The following GSE1 variants were observed in gnomAD, a reference collection of about 807,000 sequenced individuals.
The protein encoded by GSE1 is genetic suppressor element 1.
In GSE1, 32 loss-of-function variants were observed where a neutral mutation model predicts 112.6. The ratio of observed to expected loss-of-function variants is 0.28; its 90% confidence interval spans 0.21 to 0.38. GSE1 has a LOEUF of 0.38. GSE1 is among the 10% of genes least tolerant of loss of function. GSE1 has a pLI of 1.00. For synonymous variants in GSE1, 1,115 were observed against 735.6 expected (o/e 1.52, Z -8.35); for missense variants, 2,348 against 1,699.2 (o/e 1.38, Z -6.71).
intron 2 of GSE1, among the ~76,000 whole-genome samples, chr16:85,434,503 G>T (rs1253219182): frequency 6.6e-6 from 1 of 152,074 alleles, no homozygotes; most frequent in African/African-American, 2.4e-5. Context: ...TGAGCTGTTT[G>T]CCCAAGGCTC....
chr16:85,396,331 AT>A (rs1401074163), intron 2 of GSE1, among the ~76,000 whole-genome samples: 1 of 152,196 alleles, frequency 6.6e-6, no homozygotes, highest in African/African-American at 2.4e-5. Context: ...GAGACAGGAA[AT>A]ATTAGGCCGT....
chr16:85,286,267 G>A (rs1050878361), intron 1 of GSE1, among the ~76,000 whole-genome samples: 1 of 152,214 alleles, frequency 6.6e-6, no homozygotes, highest in African/African-American at 2.4e-5. Context: ...TCGGCCCACG[G>A]GCTGGCAGAG....
intron 2 of GSE1, among the ~76,000 whole-genome samples, chr16:85,399,185 C>T (rs150568148): frequency 5.9e-5 from 9 of 152,162 alleles, no homozygotes; most frequent in African/African-American, 1.2e-4. Flanking sequence ...TAGATGTGCA[C>T]GTGTGATGTG....
At chr16:85,400,644 GTGTCTC>G (rs1180844012) in intron 2 of GSE1, among the ~76,000 whole-genome samples, 2 of 151,778 alleles carry the variant, frequency 1.3e-5, no homozygotes, top group African/African-American at 2.4e-5. Context: ...TGTGTTGTGT[GTGTCTC>G]TGTGTCTGTG....
intron 2 of GSE1, among the ~76,000 whole-genome samples, chr16:85,509,613 A>C (rs1012702703): frequency 6.6e-6 from 1 of 152,218 alleles, no homozygotes; most frequent in African/African-American, 2.4e-5. Context: ...CGTTGAATGG[A>C]AAGGCCAGGA....
At chr16:85,328,972 C>T (rs1353448947) in intron 1 of GSE1, among the ~76,000 whole-genome samples, 3 of 152,176 alleles carry the variant, frequency 2.0e-5, no homozygotes. Flanking sequence ...GGACTGGGGG[C>T]CCCAACCCTT....
upstream of GSE1, among the ~76,000 whole-genome samples, chr16:85,606,842 C>T (rs2047723726): frequency 6.6e-6 from 1 of 152,208 alleles, no homozygotes; most frequent in Non-Finnish European, 1.5e-5. Flanking sequence ...GTGGCAGAAG[C>T]GTCCAAAACT....
chr16:85,357,502 C>T, exon 2 of GSE1: 1 of 1,257,210 alleles, frequency 8.0e-7, no homozygotes, highest in Non-Finnish European at 1.0e-6. Context: ...AGCCAGCCAC[C>T]CTCCCACCCG....
rs760153456 is a variant in GSE1 at position 85,613,367 on chromosome 16, C to A, written c.-25C>A. 3 of 1,569,696 alleles carry A rather than the reference C, an allele frequency of 1.9e-6. No homozygotes were observed. The highest frequency in any genetic ancestry group is 2.3e-5 in the South Asian group (2 of 85,596). ...GACGGTGGCTCCAGCATGTATCAGC[C>A]GAGGTGGAGCTGCGGGGCCCTGGCA... On this transcript the variant is annotated 5_prime_UTR_variant, in exon 1 of 16. Coordinates refer to ENST00000253458, the MANE Select transcript of GSE1 (RefSeq NM_014615.5).
rs775373743 is a variant in GSE1, at chr16:85,668,324, AGAG to A, written c.3321_3323del (p.Glu1107del). On this transcript the variant is annotated inframe_deletion, in exon 14 of 16. Transcript: ENST00000253458. ...TGGACCGGGACTCGGAGGAGGAGGA[AGAG>A]GAGGATGATGAAGATGGAGAAGATG... The A allele has an allele frequency of 5.0e-6, 8 of 1,611,406 alleles. No homozygotes were observed. Among genetic ancestry groups the A allele is most frequent in the Admixed American group, 1.7e-5 (1 of 60,002 alleles).
chr16:85,617,728 G>C (rs1180048112), intron 1 of GSE1, among the ~76,000 whole-genome samples: 1 of 151,262 alleles, frequency 6.6e-6, no homozygotes, highest in Non-Finnish European at 1.5e-5. Flanking sequence ...CCCTAATCCA[G>C]AAGGGCCTTC....
chr16:85,531,326 C>T (rs1361601181), intron 2 of GSE1, among the ~76,000 whole-genome samples: 1 of 152,158 alleles, frequency 6.6e-6, no homozygotes, highest in African/African-American at 2.4e-5. Flanking sequence ...CAGATGGTGG[C>T]CGTAGACAGC....
At position 85,633,997 on chromosome 16, in the gene GSE1, C is replaced by T; in HGVS notation, c.91C>T (p.Pro31Ser). 1 of 1,612,996 alleles carries T rather than the reference C, an allele frequency of 6.2e-7. No homozygotes were observed. Among genetic ancestry groups the T allele is most frequent in the Non-Finnish European group, 8.5e-7 (1 of 1,179,712 alleles). ...RTTATVNPLT[P>S]SPLNGALVPS... ...CACCGCCACCGTCAACCCCCTCACC[C>T]CCTCGCCGCTCAATGGCGCCCTGGT... Residue 31 changes from proline (P) to serine (S), a missense_variant, in exon 2 of 16, where the codon CCC becomes TCC. Transcript: ENST00000253458.
chr16:85,464,570 C>T (rs1446164461), intron 2 of GSE1, among the ~76,000 whole-genome samples: 2 of 152,228 alleles, frequency 1.3e-5, no homozygotes, highest in Non-Finnish European at 2.9e-5. Flanking sequence ...CTGGGAGTCT[C>T]TGTTTCCCCC....
chr16:85,496,338 C>T (rs905148211), intron 2 of GSE1, among the ~76,000 whole-genome samples: 2 of 148,632 alleles, frequency 1.3e-5, no homozygotes, highest in South Asian at 2.1e-4. Context: ...TGAGCGATGG[C>T]GTTTGCATGG....
intron 1 of GSE1, among the ~76,000 whole-genome samples, chr16:85,350,138 C>A (rs1384338164): frequency 6.6e-6 from 1 of 152,160 alleles, no homozygotes; most frequent in African/African-American, 2.4e-5. Flanking sequence ...CAGCTGGCAC[C>A]TGGCACATAG....
upstream of GSE1, among the ~76,000 whole-genome samples, chr16:85,553,752 C>T (rs2151248565): frequency 6.6e-6 from 1 of 152,284 alleles, no homozygotes; most frequent in East Asian, 1.9e-4. Flanking sequence ...TGGCAAGTGG[C>T]TTGGAGAGGT....
rs1036881303 is a variant in GSE1, at chr16:85,668,268, A to T, written c.3259A>T (p.Thr1087Ser). The T allele has an allele frequency of 3.1e-6, 5 of 1,611,440 alleles. No homozygotes were observed. In the African/African-American group the frequency reaches 6.7e-5, roughly 22 times the overall value. ...GCACAATGGGCAGCAGGAGCCCCCC[A>T]CTGCAAGGAAGGGCCCCCCAACCCA... Reference protein sequence around the residue: ...PQHNGQQEPPTARKGPPTQEL... With the variant: ...PQHNGQQEPPSARKGPPTQEL... The change falls in exon 14 of 16, where the codon ACT (threonine) becomes TCT (serine). Residue 1087 changes from threonine to serine, a missense_variant. Physicochemically the swap from Thr to Ser is moderately conservative, Grantham distance 58. Coordinates refer to ENST00000253458, the MANE Select transcript of GSE1 (RefSeq NM_014615.5).
intron 1 of GSE1, among the ~76,000 whole-genome samples, chr16:85,229,435 C>T (rs993519228): frequency 9.2e-5 from 14 of 152,360 alleles, no homozygotes; most frequent in Non-Finnish European, 1.9e-4. Context: ...CCTGGTCCGT[C>T]CTCTCACTCC....
Sources: gnomAD v4.1 joint callset for allele counts (sites outside exome capture counted in the v4.1 genomes callset) on GRCh38, gnomAD v4.1.1 for gene constraint, MANE v1.5 for transcripts, NCBI Gene and HGNC (gene_info 2026-07-23, HGNC 2026-07-21) for gene names.